Variants in GRM1 observed in about 807,000 individuals in gnomAD.
The protein encoded by GRM1 is glutamate metabotropic receptor 1.
A neutral mutation model predicts 90.9 loss-of-function variants in GRM1; 33 were observed. The ratio of observed to expected loss-of-function variants is 0.36; its 90% CI spans 0.28 to 0.49. GRM1 has a LOEUF of 0.49. Ranked by LOEUF, GRM1 falls within the 20% of genes least tolerant of loss-of-function variation. GRM1 has a pLI of 0.99. For missense variants in GRM1, 1,190 were observed against 1,534.3 expected, an observed-to-expected ratio of 0.78 and a Z score of 3.75; for synonymous variants, 700 against 613.2, an observed-to-expected ratio of 1.14 and a Z score of -2.09.
chr6:146,258,260 C>G (rs1034929272), intron 2 of GRM1, among the ~76,000 whole-genome samples: 1 of 152,026 alleles, frequency 6.6e-6, no homozygotes, highest in Non-Finnish European at 1.5e-5. Context: ...TTGGGGTGCA[C>G]GTTTTCCTGA....
At chr6:146,288,800 G>A (rs1478301676) in intron 2 of GRM1, among the ~76,000 whole-genome samples, 3 of 151,970 alleles carry the variant, frequency 2.0e-5, no homozygotes, top group Admixed American at 6.6e-5. Flanking sequence ...GCCATCGCGC[G>A]GGGCCAGAAC....
chr6:146,112,584 T>A (rs1775600361), intron 1 of GRM1, among the ~76,000 whole-genome samples: 1 of 152,168 alleles, frequency 6.6e-6, no homozygotes, highest in Non-Finnish European at 1.5e-5. Context: ...TTGGTAAAGG[T>A]TTCTTCCTGA....
chr6:146,184,469 G>A (rs892693054), intron 2 of GRM1, among the ~76,000 whole-genome samples: 1 of 151,776 alleles, frequency 6.6e-6, no homozygotes, highest in African/African-American at 2.4e-5. Flanking sequence ...TTATCTGAAT[G>A]GGCCTCATGG....
At chr6:146,292,962 A>G (rs1483238228) in intron 2 of GRM1, among the ~76,000 whole-genome samples, 1 of 152,050 alleles carries the variant, frequency 6.6e-6, no homozygotes, top group African/African-American at 2.4e-5. Context: ...ACTGATATAC[A>G]CCACAAAATG....
chr6:146,132,783 C>A (rs542163968), intron 1 of GRM1, among the ~76,000 whole-genome samples: 1 of 152,050 alleles, frequency 6.6e-6, no homozygotes, highest in African/African-American at 2.4e-5. Flanking sequence ...CTCCTCTGGT[C>A]TGCACTTCAG....
chr6:146,269,451 C>T (rs2114816637), intron 2 of GRM1, among the ~76,000 whole-genome samples: 1 of 152,304 alleles, frequency 6.6e-6, no homozygotes, highest in East Asian at 1.9e-4. Context: ...TTCACATACA[C>T]ACTTCACAGA....
chr6:146,291,709 G>T (rs1484929507), intron 2 of GRM1, among the ~76,000 whole-genome samples: 1 of 151,870 alleles, frequency 6.6e-6, no homozygotes, highest in African/African-American at 2.4e-5. Context: ...TGGATTAGAA[G>T]ATTTAATATT....
intron 1 of GRM1, among the ~76,000 whole-genome samples, chr6:146,135,103 G>A (rs927410514): frequency 2.6e-5 from 4 of 152,250 alleles, no homozygotes; most frequent in African/African-American, 7.2e-5. Context: ...CTTACTATAT[G>A]ATAATATTTG....
chr6:146,072,213 C>T (rs1776038420), intron 1 of GRM1, among the ~76,000 whole-genome samples: 1 of 152,152 alleles, frequency 6.6e-6, no homozygotes, highest in African/African-American at 2.4e-5. Context: ...CCCTGGTATA[C>T]ATTAAGAGAT....
chr6:146,381,071 C>T (rs1295287508), intron 5 of GRM1, among the ~76,000 whole-genome samples: 2 of 152,144 alleles, frequency 1.3e-5, no homozygotes, highest in Admixed American at 6.6e-5. Context: ...GAGCTACCAG[C>T]TGTACAGGCT....
rs544040003 is a variant in GRM1 at position 146,086,421 on chromosome 6, C to G, written c.700+56204C>G. 1.8e-4 allele frequency among the ~76,000 whole-genome samples: 28 copies of G among 152,174 alleles called. 1 individual carries two copies. The South Asian group carries it at 5.6e-3, about 30-fold the overall frequency. On this transcript the variant is annotated intron_variant, in intron 1 of 7. Coordinates refer to ENST00000282753, the MANE Select transcript of GRM1 (RefSeq NM_001278064.2). ...GTATGTGTCTCAAGGCCAGACTACT[C>G]TGTAAGAGAAAGGGTGCTCATTTGC...
chr6:146,228,389 G>C (rs1780326942), intron 2 of GRM1, among the ~76,000 whole-genome samples: 1 of 152,142 alleles, frequency 6.6e-6, no homozygotes, highest in African/African-American at 2.4e-5. Context: ...AGCACCAGGG[G>C]TTAGGCTCAC....
chr6:146,299,239 T>A (rs958269995), intron 2 of GRM1, among the ~76,000 whole-genome samples: 1 of 152,232 alleles, frequency 6.6e-6, no homozygotes, highest in South Asian at 2.1e-4. Flanking sequence ...CTATCTAACC[T>A]ACATCACCGT....
At chr6:146,042,883 G>A (rs1359259754) in intron 1 of GRM1, among the ~76,000 whole-genome samples, 3 of 152,034 alleles carry the variant, frequency 2.0e-5, no homozygotes, top group Non-Finnish European at 4.4e-5. Flanking sequence ...GCTACTAGGT[G>A]CCCATCAGAG....
chr6:146,365,665 TCTAG>T (rs1381745866), intron 5 of GRM1, among the ~76,000 whole-genome samples: 1 of 152,142 alleles, frequency 6.6e-6, no homozygotes, highest in Non-Finnish European at 1.5e-5. Context: ...CTAGCCTTGC[TCTAG>T]CTGTCCCCTC....
intron 5 of GRM1, among the ~76,000 whole-genome samples, chr6:146,369,437 T>C (rs1775817279): frequency 6.6e-6 from 1 of 151,978 alleles, no homozygotes; most frequent in African/African-American, 2.4e-5. Flanking sequence ...TTTTTCTACC[T>C]TTTTGATGTA....
intron 3 of GRM1, among the ~76,000 whole-genome samples, chr6:146,305,522 C>T (rs948613111): frequency 6.6e-6 from 1 of 152,204 alleles, no homozygotes; most frequent in South Asian, 2.1e-4. Context: ...ATTATTATTA[C>T]TGCATAGGGA....
At chr6:146,348,643 C>T (rs1277073233) in intron 3 of GRM1, among the ~76,000 whole-genome samples, 1 of 152,248 alleles carries the variant, frequency 6.6e-6, no homozygotes, top group Non-Finnish European at 1.5e-5. Context: ...TGTATCTAGC[C>T]TCCCGGCTCT....
intron 1 of GRM1, among the ~76,000 whole-genome samples, chr6:146,083,255 A>G (rs750322617): frequency 7.2e-5 from 11 of 152,156 alleles, no homozygotes; most frequent in Non-Finnish European, 1.3e-4. Context: ...CCTGGCCAGA[A>G]CTTCCAATAC....
Sources: allele counts gnomAD v4.1 joint callset (sites outside exome capture counted in the v4.1 genomes callset), GRCh38; gene constraint gnomAD v4.1.1; transcripts MANE v1.5; gene names NCBI Gene and HGNC (gene_info 2026-07-23, HGNC 2026-07-21).